The following TMEM117 variants were observed in gnomAD, a reference collection of about 807,000 sequenced individuals.
TMEM117 encodes the protein transmembrane protein 117.
Under a neutral mutation model 52.4 loss-of-function variants are expected in TMEM117, and 27 were observed. The ratio of observed to expected loss-of-function variants is 0.51; its 90% CI spans 0.38 to 0.71. The LOEUF (loss-of-function observed/expected upper bound fraction) is 0.71, where lower values mean the gene tolerates loss of function less well. Among genes scored for constraint, TMEM117 ranks in the 30% least tolerant of loss-of-function variants. TMEM117 has a pLI of 0.00. For synonymous variants in TMEM117, 215 were observed against 206.3 expected, an observed-to-expected ratio of 1.04 and a Z score of -0.36; for missense variants, 556 against 630.5, an observed-to-expected ratio of 0.88 and a Z score of 1.26.
rs1592660896 is a variant in TMEM117 at position 44,278,962 on chromosome 12, T to C, written c.609-20618T>C. Reference sequence around the variant, plus strand: ...TTAGTGCCTTCTTGAGACTTTCCTTTATTCTTCATTACAGTTAGAAGTACA... The same window carrying C: ...TTAGTGCCTTCTTGAGACTTTCCTTCATTCTTCATTACAGTTAGAAGTACA... On this transcript the variant is annotated intron_variant, in intron 5 of 7. Coordinates refer to ENST00000266534, the MANE Select transcript of TMEM117 (RefSeq NM_032256.3). Among the ~76,000 whole-genome samples, 3 of 152,368 alleles carry C rather than the reference T, an allele frequency of 2.0e-5. No individual in the cohort carries two copies. The East Asian group carries it at 5.8e-4, about 29-fold the overall frequency.
chr12:43,890,055 A>G (rs1451231294), intron 2 of TMEM117, among the ~76,000 whole-genome samples: 1 of 152,172 alleles, frequency 6.6e-6, no homozygotes, highest in Non-Finnish European at 1.5e-5. Context: ...TCAGCTGACA[A>G]TCTTCCCAGC....
At chr12:43,882,794 C>T (rs1466779043) in intron 2 of TMEM117, among the ~76,000 whole-genome samples, 1 of 152,004 alleles carries the variant, frequency 6.6e-6, no homozygotes, top group Non-Finnish European at 1.5e-5. Context: ...GCAGCTTATT[C>T]GATGATCAGA....
chr12:43,974,357 G>A (rs1317053840), intron 3 of TMEM117, among the ~76,000 whole-genome samples: 2 of 151,976 alleles, frequency 1.3e-5, no homozygotes, highest in African/African-American at 4.8e-5. Flanking sequence ...TTTAAAATCT[G>A]ACTTTATTCA....
At chr12:44,371,651 G>T (rs1296862844) in intron 6 of TMEM117, among the ~76,000 whole-genome samples, 1 of 152,126 alleles carries the variant, frequency 6.6e-6, no homozygotes, top group East Asian at 1.9e-4. Flanking sequence ...GCCAGTCAGG[G>T]AATTCAAAAC....
At position 44,327,705 on chromosome 12, in the gene TMEM117, T is replaced by C. The variant is rs1798031; in HGVS notation, c.768+27966T>C. On this transcript the variant is annotated intron_variant, in intron 6 of 7. Coordinates refer to ENST00000266534, the MANE Select transcript of TMEM117 (RefSeq NM_032256.3). The stretch of plus-strand genomic sequence containing the variant: ...TTTTTTTCTTATTGTTACATAGAAA[T>C]ATGAAGCAGGAGTTCTAGTTTTTCT... Among the ~76,000 whole-genome samples, 937 of 152,258 alleles carry C rather than the reference T, an allele frequency of 6.2e-3. 8 individuals carry two copies. Among genetic ancestry groups the C allele is most frequent in the African/African-American group, 0.022 (913 of 41,558 alleles).
chr12:43,803,828 A>G, the TMEM117 span, among the ~76,000 whole-genome samples: 1 of 152,144 alleles, frequency 6.6e-6, no homozygotes, highest in African/African-American at 2.4e-5. Flanking sequence ...TTACTTTTCC[A>G]AAGCAAAATA....
At chr12:44,342,913 G>A (rs1951436301) in intron 6 of TMEM117, among the ~76,000 whole-genome samples, 1 of 152,006 alleles carries the variant, frequency 6.6e-6, no homozygotes, top group African/African-American at 2.4e-5. Flanking sequence ...TGCCCAGACT[G>A]GAATGAAGTG....
chr12:43,837,596 T>G (rs181232062), intron 1 of TMEM117, among the ~76,000 whole-genome samples: 1 of 152,302 alleles, frequency 6.6e-6, no homozygotes, highest in African/African-American at 2.4e-5. Context: ...CCGCCCGCCT[T>G]GGCCTCCAGA....
At chr12:43,968,210 C>T (rs1945516914) in intron 3 of TMEM117, among the ~76,000 whole-genome samples, 1 of 135,882 alleles carries the variant, frequency 7.4e-6, no homozygotes, top group Non-Finnish European at 1.6e-5. Flanking sequence ...AGAGGATTCT[C>T]TAAAATGTAG....
chr12:43,888,073 G>T (rs1944030237), intron 2 of TMEM117, among the ~76,000 whole-genome samples: 1 of 152,140 alleles, frequency 6.6e-6, no homozygotes, highest in Admixed American at 6.5e-5. Context: ...TAATACAAAA[G>T]TCTAGGTGCA....
At chr12:43,815,008 G>A in the TMEM117 span, among the ~76,000 whole-genome samples, 1 of 152,020 alleles carries the variant, frequency 6.6e-6, no homozygotes, top group African/African-American at 2.4e-5. Flanking sequence ...GCCTCCCAAA[G>A]TGCTGGGATT....
At chr12:44,315,164 C>T (rs564561936) in intron 6 of TMEM117, among the ~76,000 whole-genome samples, 2 of 151,844 alleles carry the variant, frequency 1.3e-5, no homozygotes, top group African/African-American at 4.8e-5. Context: ...ATCTAGCTAG[C>T]AGTCTATCTG....
At chr12:44,227,926 G>A (rs999736846) in intron 5 of TMEM117, among the ~76,000 whole-genome samples, 6 of 152,076 alleles carry the variant, frequency 3.9e-5, no homozygotes, top group African/African-American at 1.2e-4. Flanking sequence ...AGCATCTTAT[G>A]CCTTTCCAGA....
the TMEM117 span, among the ~76,000 whole-genome samples, chr12:43,803,293 A>G: frequency 6.6e-6 from 1 of 152,194 alleles, no homozygotes; most frequent in Admixed American, 6.5e-5. Flanking sequence ...GATACATGTA[A>G]AAACAGACTG....
chr12:44,307,147 A>G (rs1344073684), intron 6 of TMEM117, among the ~76,000 whole-genome samples: 1 of 152,224 alleles, frequency 6.6e-6, no homozygotes, highest in African/African-American at 2.4e-5. Flanking sequence ...TTAGTAGAGC[A>G]TTTCTTTTGA....
intron 6 of TMEM117, among the ~76,000 whole-genome samples, chr12:44,346,404 T>C (rs996005421): frequency 6.6e-6 from 1 of 152,138 alleles, no homozygotes; most frequent in Non-Finnish European, 1.5e-5. Context: ...AAATATACAA[T>C]GTGGTTGCTC....
intron 3 of TMEM117, among the ~76,000 whole-genome samples, chr12:43,964,250 C>G (rs1235138470): frequency 6.6e-6 from 1 of 152,058 alleles, no homozygotes; most frequent in Admixed American, 6.6e-5. Flanking sequence ...TGCTCACACT[C>G]TGATAAGAAC....
At chr12:44,092,467 A>C (rs1028707495) in intron 3 of TMEM117, among the ~76,000 whole-genome samples, 2 of 152,084 alleles carry the variant, frequency 1.3e-5, no homozygotes, top group Non-Finnish European at 2.9e-5. Context: ...CTTGCCTAGG[A>C]GGTAGGAGAT....
At chr12:44,177,994 C>A (rs888051673) in intron 4 of TMEM117, among the ~76,000 whole-genome samples, 1 of 152,076 alleles carries the variant, frequency 6.6e-6, no homozygotes, top group African/African-American at 2.4e-5. Context: ...GTATGACAAA[C>A]TCTTATATAA....
Sources: allele counts gnomAD v4.1 joint callset (sites outside exome capture counted in the v4.1 genomes callset), GRCh38; gene constraint gnomAD v4.1.1; transcripts MANE v1.5; gene names NCBI Gene and HGNC (gene_info 2026-07-23, HGNC 2026-07-21).